Variants in SDK1 observed in about 807,000 individuals in gnomAD.
SDK1 encodes the protein sidekick cell adhesion molecule 1.
A neutral mutation model predicts 245.5 loss-of-function variants in SDK1; 157 were observed. The observed-to-expected ratio is 0.64, with a 90% CI of 0.56 to 0.73. SDK1 has a LOEUF of 0.73. Among genes scored for constraint, SDK1 ranks in the 30% least tolerant of loss-of-function variants. The pLI is 0.00. For missense variants in SDK1, 3,583 were observed against 3,002.3 expected, an observed-to-expected ratio of 1.19 and a Z score of -4.52; for synonymous variants, 1,647 against 1,278.5, an observed-to-expected ratio of 1.29 and a Z score of -6.15.
At chr7:3,745,470 A>T (rs992939620) in intron 4 of SDK1, among the ~76,000 whole-genome samples, 1 of 152,226 alleles carries the variant, frequency 6.6e-6, no homozygotes, top group African/African-American at 2.4e-5. Flanking sequence ...TGACATTTAT[A>T]TAATACTGTT....
chr7:3,713,285 C>G (rs1212122845), intron 4 of SDK1, among the ~76,000 whole-genome samples: 2 of 152,216 alleles, frequency 1.3e-5, no homozygotes, highest in African/African-American at 4.8e-5. Context: ...GGAGCTCAGG[C>G]TCTGTGTTGT....
chr7:3,912,738 G>T (rs982974428), intron 5 of SDK1, among the ~76,000 whole-genome samples: 1 of 152,236 alleles, frequency 6.6e-6, no homozygotes, highest in Non-Finnish European at 1.5e-5. Flanking sequence ...GGTCTGGCCC[G>T]TGGGGGCTCA....
chr7:3,615,756 G>A (rs1781747947), intron 1 of SDK1, among the ~76,000 whole-genome samples: 1 of 151,602 alleles, frequency 6.6e-6, no homozygotes, highest in South Asian at 2.1e-4. Context: ...GCGGATCACT[G>A]CAGTGGCCTC....
intron 13 of SDK1, among the ~76,000 whole-genome samples, chr7:3,986,780 A>C (rs1296970163): frequency 6.6e-6 from 1 of 152,214 alleles, no homozygotes; most frequent in African/African-American, 2.4e-5. Context: ...GAATTGCTTG[A>C]ACCCAGGAGG....
intron 31 of SDK1, among the ~76,000 whole-genome samples, chr7:4,160,224 A>G (rs1274448970): frequency 6.6e-6 from 1 of 152,234 alleles, no homozygotes; most frequent in Non-Finnish European, 1.5e-5. Context: ...AGTTGAGGTA[A>G]TGTTTGCAAC....
intron 4 of SDK1, among the ~76,000 whole-genome samples, chr7:3,781,023 C>T (rs1780718235): frequency 6.6e-6 from 1 of 152,098 alleles, no homozygotes. Context: ...GAGGCTAGAC[C>T]TGCCTGACCA....
chr7:4,233,260 G>T lies in SDK1; in HGVS notation c.5833G>T (p.Gly1945Cys). The change falls in exon 41 of 45, where the codon GGC (glycine) becomes TGC (cysteine). Residue 1945 changes from glycine (G) to cysteine (C), a missense_variant. Coordinates refer to ENST00000404826, the MANE Select transcript of SDK1 (RefSeq NM_152744.4). ...CCTCCCCATCCCTCTTGCAGATGAAGGCTTATGGGACATGTTTGTGAAGGA... is the reference window on the plus strand; with the variant it reads ...CCTCCCCATCCCTCTTGCAGATGAATGCTTATGGGACATGTTTGTGAAGGA... ...YVIEARPSDE[G>C]LWDMFVKDIP... The T allele has an allele frequency of 6.2e-7, 1 of 1,613,128 alleles. No individual in the cohort carries two copies.
rs1780226000 is a variant in SDK1 at position 3,938,143 on chromosome 7, C to G, written c.848-12780C>G. On this transcript the variant is annotated intron_variant, in intron 5 of 44. Coordinates refer to ENST00000404826, the MANE Select transcript of SDK1 (RefSeq NM_152744.4). ...TAAGCTACCGCACCTGGCTTCCAGGCCATTTCTTATCACAGCTAAAAGTGA... is the reference window on the plus strand; with the variant it reads ...TAAGCTACCGCACCTGGCTTCCAGGGCATTTCTTATCACAGCTAAAAGTGA... 2.0e-5 allele frequency among the ~76,000 whole-genome samples: 3 copies of G among 152,300 alleles called. No individual in the cohort carries two copies. In the South Asian group the frequency reaches 6.2e-4, roughly 32 times the overall value.
intron 5 of SDK1, among the ~76,000 whole-genome samples, chr7:3,823,739 G>T (rs1326092880): frequency 6.6e-6 from 1 of 152,154 alleles, no homozygotes; most frequent in Non-Finnish European, 1.5e-5. Context: ...ATACAAGGCA[G>T]TTGATGATAT....
At chr7:3,839,123 C>T (rs371175640) in intron 5 of SDK1, among the ~76,000 whole-genome samples, 15 of 152,250 alleles carry the variant, frequency 9.9e-5, no homozygotes, top group African/African-American at 1.9e-4. Context: ...GGGATGGATC[C>T]GCCTGAGAAC....
intron 1 of SDK1, among the ~76,000 whole-genome samples, chr7:3,604,192 C>T (rs1233537089): frequency 6.6e-6 from 1 of 152,096 alleles, no homozygotes; most frequent in Non-Finnish European, 1.5e-5. Context: ...ATGATGTTGG[C>T]CTCATAAAAT....
intron 4 of SDK1, among the ~76,000 whole-genome samples, chr7:3,737,541 C>T: frequency 6.6e-6 from 1 of 152,214 alleles, no homozygotes; most frequent in East Asian, 1.9e-4. Flanking sequence ...CTGGTGACTG[C>T]CCTCCCTGGC....
At position 4,010,993 on chromosome 7, in the gene SDK1, A is replaced by G. The variant is rs146805083; in HGVS notation, c.2159A>G (p.Asn720Ser). 9.3e-6 allele frequency: 15 copies of G among 1,614,072 alleles called. No homozygotes were observed. The highest frequency in any genetic ancestry group is 1.3e-5 in the Non-Finnish European group (15 of 1,180,042). The change falls in exon 15 of 45, where the codon AAC becomes AGC. Residue 720 changes from asparagine to serine, a missense_variant. Asn to Ser is a conservative substitution (Grantham distance 46, BLOSUM62 1). Coordinates refer to ENST00000404826, the MANE Select transcript of SDK1 (RefSeq NM_152744.4). Reference sequence around the variant, plus strand: ...TCTCCATGGAAGGTGCATCTGTCAAACGTTGGCCCTGAGATGACAGGCGTC... The same window carrying G: ...TCTCCATGGAAGGTGCATCTGTCAAGCGTTGGCCCTGAGATGACAGGCGTC... ...NNSPWKVHLSNVGPEMTGVTV... is the reference protein window; with the variant it reads ...NNSPWKVHLSSVGPEMTGVTV...
intron 1 of SDK1, among the ~76,000 whole-genome samples, chr7:3,324,020 T>C (rs150481038): frequency 6.5e-4 from 99 of 152,352 alleles, no homozygotes; most frequent in Non-Finnish European, 7.3e-4. Context: ...TATCATGTTA[T>C]CTATTTCATG....
At chr7:3,745,432 CTG>C in intron 4 of SDK1, among the ~76,000 whole-genome samples, 1 of 152,248 alleles carries the variant, frequency 6.6e-6, no homozygotes, top group East Asian at 1.9e-4. Context: ...TGTTGCATAA[CTG>C]GAGTGTGGCA....
intron 4 of SDK1, among the ~76,000 whole-genome samples, chr7:3,713,915 C>G (rs942233830): frequency 3.9e-5 from 6 of 152,078 alleles, no homozygotes; most frequent in African/African-American, 1.4e-4. Context: ...TTTCCACTGC[C>G]AAAATGAACA....
chr7:3,743,977 C>T, intron 4 of SDK1, among the ~76,000 whole-genome samples: 1 of 152,148 alleles, frequency 6.6e-6, no homozygotes, highest in Non-Finnish European at 1.5e-5. Context: ...ATTAATAAGA[C>T]ACTATTAATC....
intron 38 of SDK1, among the ~76,000 whole-genome samples, chr7:4,215,488 A>T (rs1380883718): frequency 6.6e-6 from 1 of 152,188 alleles, no homozygotes; most frequent in Admixed American, 6.5e-5. Flanking sequence ...GAACCCAACC[A>T]CCATGTGAAC....
intron 1 of SDK1, among the ~76,000 whole-genome samples, chr7:3,383,480 T>C (rs1170236011): frequency 6.6e-6 from 1 of 152,186 alleles, no homozygotes; most frequent in East Asian, 1.9e-4. Context: ...TAAAAAGATG[T>C]GAAGCGGTTT....
Sources: gnomAD v4.1 joint callset for allele counts (sites outside exome capture counted in the v4.1 genomes callset) on GRCh38, gnomAD v4.1.1 for gene constraint, MANE v1.5 for transcripts, NCBI Gene and HGNC (gene_info 2026-07-23, HGNC 2026-07-21) for gene names.